Variants in DENND4C observed in about 807,000 individuals in gnomAD.
DENND4C encodes DENN domain containing 4C, also known as DENN domain-containing protein 4C.
Under a neutral mutation model 203.0 loss-of-function variants are expected in DENND4C, and 108 were observed. The observed-to-expected ratio is 0.53, with a 90% CI of 0.46 to 0.62. The LOEUF is 0.62. Among genes scored for constraint, DENND4C ranks in the 20% least tolerant of loss-of-function variants. The pLI is 0.00. For synonymous variants in DENND4C, 871 were observed against 792.4 expected, an observed-to-expected ratio of 1.10 and a Z score of -1.67; for missense variants, 2,481 against 2,301.2, an observed-to-expected ratio of 1.08 and a Z score of -1.60.
intron 16 of DENND4C, among the ~76,000 whole-genome samples, chr9:19,330,300 C>A (rs796197485): frequency 1.4e-5 from 2 of 141,584 alleles, no homozygotes; most frequent in South Asian, 4.5e-4. Flanking sequence ...TCATGGAGAT[C>A]GAGCTCAAAA....
intron 9 of DENND4C, among the ~76,000 whole-genome samples, chr9:19,301,279 A>G (rs1020890303): frequency 2.6e-5 from 4 of 152,016 alleles, no homozygotes; most frequent in Admixed American, 6.6e-5. Context: ...CCTATCACCC[A>G]TTAGTTGTTT....
intron 1 of DENND4C, among the ~76,000 whole-genome samples, chr9:19,231,244 G>A (rs1418290937): frequency 6.6e-6 from 1 of 152,186 alleles, no homozygotes; most frequent in East Asian, 1.9e-4. Context: ...TCGAGGCTGA[G>A]AGAGCGGAGA....
chr9:19,319,393 CATAT>C (rs1309930109), intron 12 of DENND4C, among the ~76,000 whole-genome samples: 1 of 132,468 alleles, frequency 7.5e-6, no homozygotes, highest in African/African-American at 3.1e-5. Flanking sequence ...TATATATATA[CATAT>C]ATATATACAC....
At chr9:19,275,622 C>CA (rs1400951080) in intron 1 of DENND4C, among the ~76,000 whole-genome samples, 1 of 152,072 alleles carries the variant, frequency 6.6e-6, no homozygotes, top group African/African-American at 2.4e-5. Context: ...AGGCGCCCCC[C>CA]ACCAGGCTCA....
intron 22 of DENND4C, among the ~76,000 whole-genome samples, chr9:19,344,577 C>A (rs1822382189): frequency 6.6e-6 from 1 of 152,184 alleles, no homozygotes; most frequent in African/African-American, 2.4e-5. Context: ...TCACTGCAGC[C>A]TCAACTTCCT....
In DENND4C at chr9:19,247,372, T is replaced by G. The variant is rs186370451; in HGVS notation, c.-18+16539T>G. Among the ~76,000 whole-genome samples the G allele has an allele frequency of 9.8e-5, 15 of 152,318 alleles. No homozygotes were observed. In the East Asian group the frequency reaches 2.9e-3, roughly 29 times the overall value. On this transcript the variant is annotated intron_variant, in intron 1 of 32. Transcript: ENST00000434457. ...CAGGCCTTGACATGCCTTGACATCT[T>G]CATTGAACTCCACACTATAATGGAC...
chr9:19,287,739 A>ACT (rs71335416), intron 3 of DENND4C, among the ~76,000 whole-genome samples: 48 of 150,944 alleles, frequency 3.2e-4, no homozygotes, highest in Admixed American at 5.3e-4. Context: ...TTGCATACTT[A>ACT]TTTTTTTTTT....
chr9:19,360,195 A>G, intron 28 of DENND4C, 49 bp from the exon 29 acceptor site: 1 of 1,568,826 alleles, frequency 6.4e-7, no homozygotes, highest in Non-Finnish European at 8.7e-7. Flanking sequence ...GCTCTTGAGC[A>G]TACAGATTTA....
chr9:19,360,515 A>G (rs751486623), intron 29 of DENND4C, 26 bp downstream of exon 29: 7 of 1,613,392 alleles, frequency 4.3e-6, no homozygotes, highest in Admixed American at 1.7e-5. Flanking sequence ...TTATACTTAC[A>G]TTAGTATTCA....
chr9:19,345,864 T>G (rs1344478090), intron 22 of DENND4C, 57 bp from the exon 23 acceptor site: 36 of 1,397,718 alleles, frequency 2.6e-5, no homozygotes, highest in African/African-American at 4.3e-5. Context: ...ATAAATATTT[T>G]AATAAAAGTT....
At chr9:19,329,982 A>G (rs1399725521) in intron 16 of DENND4C, among the ~76,000 whole-genome samples, 1 of 152,232 alleles carries the variant, frequency 6.6e-6, no homozygotes, top group East Asian at 1.9e-4. Context: ...AAATTTCACA[A>G]TGAAAATCTT....
chr9:19,335,708 A>C (rs888826473), intron 18 of DENND4C, among the ~76,000 whole-genome samples: 1 of 152,146 alleles, frequency 6.6e-6, no homozygotes, highest in Non-Finnish European at 1.5e-5. Flanking sequence ...TTCAGGCTGA[A>C]TAGTATCTCG....
At chr9:19,322,652 C>T (rs1364822995) in intron 12 of DENND4C, among the ~76,000 whole-genome samples, 1 of 148,388 alleles carries the variant, frequency 6.7e-6, no homozygotes, top group African/African-American at 2.5e-5. Context: ...AGGAGAATGG[C>T]ATGAACCCGG....
intron 30 of DENND4C, among the ~76,000 whole-genome samples, chr9:19,365,753 T>C (rs544824319): frequency 8.8e-6 from 1 of 113,836 alleles, no homozygotes; most frequent in African/African-American, 2.8e-5. Flanking sequence ...AAGATCAGTA[T>C]AGAGAAATCA....
intron 18 of DENND4C, 113 bp downstream of exon 18, chr9:19,335,218 T>A (rs781628394): frequency 2.4e-5 from 14 of 581,696 alleles, no homozygotes; most frequent in East Asian, 4.3e-5. Context: ...TATAATTTTT[T>A]AATAATTTTT....
At chr9:19,318,218 C>T (rs1449395804) in intron 12 of DENND4C, among the ~76,000 whole-genome samples, 1 of 151,956 alleles carries the variant, frequency 6.6e-6, no homozygotes, top group African/African-American at 2.4e-5. Flanking sequence ...ATTCGGGAGG[C>T]TAAGGGAGGA....
In DENND4C at chr9:19,336,679, T is replaced by C; in HGVS notation, c.2735-7T>C. The C allele has an allele frequency of 1.9e-6, 3 of 1,550,526 alleles. No homozygotes were observed. Among genetic ancestry groups the C allele is most frequent in the South Asian group, 2.4e-5 (2 of 83,928 alleles). On this transcript the variant is annotated splice_region_variant and splice_polypyrimidine_tract_variant and intron_variant, in intron 19 of 32. Coordinates refer to ENST00000434457, the MANE Select transcript of DENND4C (RefSeq NM_001330640.2). ...AGTTATTGAACTGCTATTGTCCTTA[T>C]CTTTAGCTCTTCAAAATGTCACAGG...
intron 1 of DENND4C, among the ~76,000 whole-genome samples, chr9:19,275,825 G>A (rs12002093): frequency 0.044 from 6,662 of 151,978 alleles, 291 homozygotes; most frequent in African/African-American, 0.11. Context: ...CACACTGGTC[G>A]CGAACTTAAG....
chr9:19,321,793 C>G (rs573657953), intron 12 of DENND4C, among the ~76,000 whole-genome samples: 2 of 144,030 alleles, frequency 1.4e-5, no homozygotes, highest in East Asian at 2.0e-4. Flanking sequence ...GATCACGCCA[C>G]TGAACGCCAG....
Sources: gnomAD v4.1 joint callset for allele counts (sites outside exome capture counted in the v4.1 genomes callset) on GRCh38, gnomAD v4.1.1 for gene constraint, MANE v1.5 for transcripts, NCBI Gene and HGNC (gene_info 2026-07-23, HGNC 2026-07-21) for gene names.